EXOC6B: variants seen among roughly 807,000 people sequenced by gnomAD.
EXOC6B encodes SEC15 homolog B.
Under a neutral mutation model 113.5 loss-of-function variants are expected in EXOC6B, and 54 were observed. The observed-to-expected ratio is 0.48, with a 90% CI of 0.38 to 0.60. The LOEUF (loss-of-function observed/expected upper bound fraction) is 0.60. EXOC6B is among the 20% of genes least tolerant of loss of function. The pLI, the probability that EXOC6B is intolerant of heterozygous loss-of-function variation, is 0.00. For synonymous variants in EXOC6B, 357 were observed against 339.0 expected (o/e 1.05, Z -0.58); for missense variants, 797 against 977.5 (o/e 0.82, Z 2.46).
At chr2:72,279,894 A>C (rs1685029709) in intron 20 of EXOC6B, among the ~76,000 whole-genome samples, 1 of 151,994 alleles carries the variant, frequency 6.6e-6, no homozygotes, top group South Asian at 2.1e-4. Flanking sequence ...CACCCACCTC[A>C]GCCTCCCAAT....
intron 20 of EXOC6B, among the ~76,000 whole-genome samples, chr2:72,211,877 T>C: frequency 6.6e-6 from 1 of 152,208 alleles, no homozygotes; most frequent in East Asian, 1.9e-4. Context: ...CCCAGTGTTA[T>C]CTTATGCTGC....
At chr2:72,477,989 TG>T (rs1698851674) in intron 17 of EXOC6B, among the ~76,000 whole-genome samples, 1 of 152,234 alleles carries the variant, frequency 6.6e-6, no homozygotes, top group South Asian at 2.1e-4. Context: ...CTCACTTTTT[TG>T]TTCATGCCTG....
intron 6 of EXOC6B, among the ~76,000 whole-genome samples, chr2:72,682,218 A>G (rs1184828953): frequency 6.6e-6 from 1 of 152,168 alleles, no homozygotes; most frequent in African/African-American, 2.4e-5. Flanking sequence ...GTTTGAAAAT[A>G]GCATCTTTCC....
At chr2:72,283,469 G>A (rs1247936204) in intron 20 of EXOC6B, among the ~76,000 whole-genome samples, 1 of 152,162 alleles carries the variant, frequency 6.6e-6, no homozygotes, top group Non-Finnish European at 1.5e-5. Context: ...AACCAGTGCT[G>A]CAGTAGGAAA....
At chr2:72,201,371 C>T (rs1679481717) in intron 20 of EXOC6B, among the ~76,000 whole-genome samples, 1 of 152,008 alleles carries the variant, frequency 6.6e-6, no homozygotes, top group African/African-American at 2.4e-5. Context: ...AGCAGGCAGC[C>T]TGCTAGGTGA....
chr2:72,685,223 T>C (rs1188392194), intron 6 of EXOC6B, among the ~76,000 whole-genome samples: 1 of 152,168 alleles, frequency 6.6e-6, no homozygotes, highest in Non-Finnish European at 1.5e-5. Context: ...CTTTTCTGTA[T>C]GTTTGAAATT....
At chr2:72,638,349 G>C (rs927535642) in intron 6 of EXOC6B, among the ~76,000 whole-genome samples, 7 of 152,108 alleles carry the variant, frequency 4.6e-5, no homozygotes, top group South Asian at 4.1e-4. Flanking sequence ...GTAATGAGAT[G>C]GAAGCTGTAA....
chr2:72,186,524 A>AT (rs1356322476), intron 20 of EXOC6B, among the ~76,000 whole-genome samples: 1 of 137,948 alleles, frequency 7.2e-6, no homozygotes, highest in Admixed American at 7.1e-5. Flanking sequence ...TTCAATTAAA[A>AT]TTTTTTTCAC....
chr2:72,199,487 G>T (rs1679364109), intron 20 of EXOC6B, among the ~76,000 whole-genome samples: 1 of 152,114 alleles, frequency 6.6e-6, no homozygotes, highest in Non-Finnish European at 1.5e-5. Context: ...ATAGGCAGAG[G>T]GTAAGGCTGG....
At chr2:72,571,256 A>G (rs1168017890) in intron 7 of EXOC6B, among the ~76,000 whole-genome samples, 2 of 152,196 alleles carry the variant, frequency 1.3e-5, no homozygotes, top group African/African-American at 4.8e-5. Context: ...TCCATTAAAA[A>G]TCAATTGAAT....
intron 19 of EXOC6B, among the ~76,000 whole-genome samples, chr2:72,342,528 C>T (rs181460042): frequency 2.4e-3 from 372 of 152,096 alleles, no homozygotes; most frequent in African/African-American, 7.2e-3. Flanking sequence ...ATCAAAAATA[C>T]AAGATATAAT....
intron 20 of EXOC6B, among the ~76,000 whole-genome samples, chr2:72,215,427 C>T (rs993900640): frequency 8.5e-5 from 13 of 152,248 alleles, no homozygotes; most frequent in East Asian, 1.9e-4. Flanking sequence ...TTTCACACAA[C>T]GCTTATTACC....
At chr2:72,615,743 T>A (rs1671347711) in intron 6 of EXOC6B, among the ~76,000 whole-genome samples, 1 of 152,162 alleles carries the variant, frequency 6.6e-6, no homozygotes, top group Admixed American at 6.5e-5. Flanking sequence ...TTTTAGAGTA[T>A]AGTCCTACTT....
chr2:72,234,313 G>C (rs1441019347), intron 20 of EXOC6B, among the ~76,000 whole-genome samples: 1 of 152,024 alleles, frequency 6.6e-6, no homozygotes, highest in Non-Finnish European at 1.5e-5. Context: ...TTGAACTCCT[G>C]ACCTCGTGAT....
intron 18 of EXOC6B, among the ~76,000 whole-genome samples, chr2:72,408,627 A>G (rs537385573): frequency 9.2e-5 from 14 of 152,332 alleles, no homozygotes; most frequent in Non-Finnish European, 1.3e-4. Context: ...ACGACTCCCT[A>G]TTTAATAAAT....
chr2:72,637,323 C>G lies in EXOC6B; in HGVS notation c.670-61655G>C, dbSNP rs114507291. 6.0e-3 allele frequency among the ~76,000 whole-genome samples: 919 copies of G among 152,184 alleles called. 7 individuals are homozygous for G. Among genetic ancestry groups the G allele is most frequent in the African/African-American group, 0.02 (844 of 41,530 alleles). Reference sequence around the variant, plus strand: ...TAAACAGCTTCTGTACAAAAAGAAACTATCATCAGAGAGAAGAGACAACCT... The same window carrying G: ...TAAACAGCTTCTGTACAAAAAGAAAGTATCATCAGAGAGAAGAGACAACCT... On this transcript the variant is annotated intron_variant, in intron 6 of 21. Coordinates refer to ENST00000272427, the MANE Select transcript of EXOC6B (RefSeq NM_015189.3).
intron 20 of EXOC6B, among the ~76,000 whole-genome samples, chr2:72,271,252 G>A (rs149948274): frequency 1.3e-5 from 2 of 152,044 alleles, no homozygotes; most frequent in Non-Finnish European, 2.9e-5. Context: ...GCATTCTCTC[G>A]AGTTTAAATT....
intron 20 of EXOC6B, among the ~76,000 whole-genome samples, chr2:72,323,153 C>G (rs1687936514): frequency 6.6e-6 from 1 of 151,970 alleles, no homozygotes; most frequent in African/African-American, 2.4e-5. Context: ...AACAAACAAC[C>G]CCATCAAAAA....
intron 6 of EXOC6B, among the ~76,000 whole-genome samples, chr2:72,634,346 C>A (rs978603670): frequency 2.5e-4 from 38 of 152,160 alleles, no homozygotes; most frequent in African/African-American, 9.2e-4. Context: ...ACTTTTCCTC[C>A]TCTTCCCGCT....
Sources: allele counts gnomAD v4.1 joint callset (sites outside exome capture counted in the v4.1 genomes callset), GRCh38; gene constraint gnomAD v4.1.1; transcripts MANE v1.5; gene names NCBI Gene and HGNC (gene_info 2026-07-23, HGNC 2026-07-21).